Variants in SEMA6D observed in about 807,000 individuals in gnomAD.
The protein encoded by SEMA6D is semaphorin-6D.
SEMA6D carries 35 observed loss-of-function variants against 106.6 expected under a neutral mutation model. The observed-to-expected ratio is 0.33, with a 90% CI of 0.25 to 0.44. The LOEUF (loss-of-function observed/expected upper bound fraction) is 0.44, where lower values mean the gene tolerates loss of function less well. SEMA6D is among the 20% of genes least tolerant of loss of function. The probability of loss-of-function intolerance (pLI) is 1.00; values close to 1 mark genes in which losing one functional copy is unlikely to be tolerated. For missense variants in SEMA6D, 1,185 were observed against 1,345.9 expected (o/e 0.88, Z 1.87); for synonymous variants, 499 against 487.7 (o/e 1.02, Z -0.31).
intron 3 of SEMA6D, among the ~76,000 whole-genome samples, chr15:47,594,988 G>A (rs1315376768): frequency 6.6e-6 from 1 of 152,118 alleles, no homozygotes; most frequent in Non-Finnish European, 1.5e-5. Context: ...GTGAATCCTG[G>A]AAACAGTGTT....
intron 18 of SEMA6D, among the ~76,000 whole-genome samples, chr15:47,769,112 T>G (rs2082498151): frequency 6.6e-6 from 1 of 152,200 alleles, no homozygotes; most frequent in African/African-American, 2.4e-5. Flanking sequence ...ATCAGATGTT[T>G]TGTCTAGGAG....
intron 3 of SEMA6D, among the ~76,000 whole-genome samples, chr15:47,530,460 C>A (rs1223532287): frequency 2.6e-5 from 4 of 152,164 alleles, no homozygotes; most frequent in South Asian, 2.1e-4. Flanking sequence ...ATATAAAAGA[C>A]CATTGTCATA....
rs545509551 is a variant in SEMA6D at position 47,512,341 on chromosome 15, A to G, written c.-87+41796A>G. On this transcript the variant is annotated intron_variant, in intron 3 of 19. Transcript: ENST00000558014. ...GATTAATATTCTTTATTTCTCCTGCATGTGTGATCATGATAGAGAAAATGA... is the reference window on the plus strand; with the variant it reads ...GATTAATATTCTTTATTTCTCCTGCGTGTGTGATCATGATAGAGAAAATGA... Among the ~76,000 whole-genome samples the G allele has an allele frequency of 3.9e-5, 6 of 152,332 alleles. No homozygotes were observed. The South Asian group carries it at 1.2e-3, about 32-fold the overall frequency.
chr15:47,386,982 T>C (rs562999626), intron 1 of SEMA6D, among the ~76,000 whole-genome samples: 32 of 152,322 alleles, frequency 2.1e-4, no homozygotes, highest in Non-Finnish European at 4.1e-4. Flanking sequence ...ATTGTGGGTG[T>C]TGGCCCACAC....
Position 47,375,357 on chromosome 15 carries a change from C to T in SEMA6D, c.-238-37036C>T, listed in dbSNP as rs527996583. On this transcript the variant is annotated intron_variant, in intron 1 of 19. Transcript: ENST00000558014. ...GAGCCTCATACTAATGTCCCCTTTC[C>T]CTCTCCCATTCCTCTTCCTTCTTTT... Among the ~76,000 whole-genome samples the T allele has an allele frequency of 3.9e-5, 6 of 152,252 alleles. No individual in the cohort carries two copies. The South Asian group carries it at 8.3e-4, about 21-fold the overall frequency.
chr15:47,380,642 C>T (rs976539374), intron 1 of SEMA6D: 3 of 152,096 alleles, frequency 2.0e-5, no homozygotes, highest in African/African-American at 4.8e-5. Flanking sequence ...CATACACAAG[C>T]GACTGCTAGA....
At chr15:47,546,136 G>T (rs1197718547) in intron 3 of SEMA6D, among the ~76,000 whole-genome samples, 2 of 152,052 alleles carry the variant, frequency 1.3e-5, no homozygotes, top group African/African-American at 4.8e-5. Flanking sequence ...TTATTTGCTG[G>T]CATAGAAAGT....
At chr15:47,673,363 C>T (rs1181618699) in intron 4 of SEMA6D, among the ~76,000 whole-genome samples, 1 of 150,274 alleles carries the variant, frequency 6.7e-6, no homozygotes, top group African/African-American at 2.5e-5. Context: ...TCACAAACCT[C>T]AGCTGAAATC....
chr15:47,516,511 C>A (rs1347213338), intron 3 of SEMA6D, among the ~76,000 whole-genome samples: 1 of 152,104 alleles, frequency 6.6e-6, no homozygotes, highest in Non-Finnish European at 1.5e-5. Flanking sequence ...ATTATCTGAT[C>A]AATTTGTTGT....
At chr15:47,754,825 A>G (rs2081622770) in intron 1 of SEMA6D, among the ~76,000 whole-genome samples, 1 of 151,978 alleles carries the variant, frequency 6.6e-6, no homozygotes, top group Admixed American at 6.6e-5. Flanking sequence ...TTTGCTCTCC[A>G]TATTTCTGTC....
chr15:47,416,632 A>T (rs1265190127), intron 2 of SEMA6D, among the ~76,000 whole-genome samples: 1 of 152,120 alleles, frequency 6.6e-6, no homozygotes. Flanking sequence ...TTCTCTGTTC[A>T]ATCACTGACC....
chr15:47,419,273 G>C lies in SEMA6D; in HGVS notation c.-159+6801G>C, dbSNP rs547124030. Among the ~76,000 whole-genome samples the C allele has an allele frequency of 2.6e-5, 4 of 152,260 alleles. No homozygotes were observed. In the South Asian group the frequency reaches 8.3e-4, roughly 32 times the overall value. ...CCACAAAGTCAAGTGTTTGACTGTG[G>C]AAGTGAGTGGCTCAAGAAGGATGGC... On this transcript the variant is annotated intron_variant, in intron 2 of 19. Coordinates refer to the SEMA6D transcript ENST00000558014.
chr15:47,421,302 A>C (rs1595953978), intron 2 of SEMA6D, among the ~76,000 whole-genome samples: 1 of 152,070 alleles, frequency 6.6e-6, no homozygotes, highest in African/African-American at 2.4e-5. Context: ...ACAAGAAAGG[A>C]CTGGGACTGG....
At chr15:47,226,063 T>C (rs563363621) in intron 1 of SEMA6D, among the ~76,000 whole-genome samples, 2 of 152,176 alleles carry the variant, frequency 1.3e-5, no homozygotes, top group Admixed American at 1.3e-4. Flanking sequence ...GATGAGGTCA[T>C]TGGGATGGAG....
At chr15:47,468,195 A>G (rs749190973) in intron 2 of SEMA6D, among the ~76,000 whole-genome samples, 9 of 151,436 alleles carry the variant, frequency 5.9e-5, no homozygotes, top group African/African-American at 9.8e-5. Context: ...GTGTGTGTGT[A>G]TGTGTGTTCA....
At chr15:47,213,584 T>TTA (rs1426069561) in intron 1 of SEMA6D, among the ~76,000 whole-genome samples, 1 of 152,236 alleles carries the variant, frequency 6.6e-6, no homozygotes, top group Non-Finnish European at 1.5e-5. Flanking sequence ...TCTGATGGTC[T>TTA]TACATGCTTA....
chr15:47,477,105 A>T (rs2043024152), intron 3 of SEMA6D, among the ~76,000 whole-genome samples: 1 of 152,164 alleles, frequency 6.6e-6, no homozygotes, highest in African/African-American at 2.4e-5. Context: ...CAAACTGGAT[A>T]TTTTTTTAAA....
At chr15:47,350,389 A>C (rs548843534) in intron 1 of SEMA6D, among the ~76,000 whole-genome samples, 1 of 152,196 alleles carries the variant, frequency 6.6e-6, no homozygotes, top group Non-Finnish European at 1.5e-5. Context: ...AAATACTTGA[A>C]TATCTTTGAA....
chr15:47,434,511 T>A (rs2041640700), intron 2 of SEMA6D, among the ~76,000 whole-genome samples: 1 of 152,096 alleles, frequency 6.6e-6, no homozygotes, highest in Admixed American at 6.6e-5. Flanking sequence ...TTTTCTGCTG[T>A]TTTCCTTATT....
Sources: allele counts gnomAD v4.1 joint callset (sites outside exome capture counted in the v4.1 genomes callset), GRCh38; gene constraint gnomAD v4.1.1; transcripts MANE v1.5; gene names NCBI Gene and HGNC (gene_info 2026-07-23, HGNC 2026-07-21).